The following XRCC4 variants were observed in gnomAD, a reference collection of about 807,000 sequenced individuals.
XRCC4 encodes X-ray repair cross complementing 4.
In XRCC4, 28 loss-of-function variants were observed where a neutral mutation model predicts 39.1. That is an observed-to-expected ratio of 0.72 (90% CI 0.53 to 0.98). The LOEUF (loss-of-function observed/expected upper bound fraction) is 0.98, where lower values mean the gene tolerates loss of function less well. Ranked by LOEUF, XRCC4 falls within the 50% of genes least tolerant of loss-of-function variation. The probability of loss-of-function intolerance (pLI) is 0.00; values close to 1 mark genes in which losing one functional copy is unlikely to be tolerated. For synonymous variants in XRCC4, 123 were observed against 126.4 expected (o/e 0.97, Z 0.18); for missense variants, 350 against 376.4 (o/e 0.93, Z 0.58).
At position 83,248,868 on chromosome 5, in the gene XRCC4, A is replaced by G. The variant is rs533470794; in HGVS notation, c.746-9662A>G. ...AGATTTTTGTTGAAAATTTTGAAAA[A>G]TCATAAGTAACATGAAGTGGTACAA... is the stretch of plus-strand genomic sequence containing the variant. On this transcript the variant is annotated intron_variant, in intron 6 of 7. Coordinates refer to ENST00000396027, the MANE Select transcript of XRCC4 (RefSeq NM_003401.5). Among the ~76,000 whole-genome samples, 139 of 152,270 alleles carry G rather than the reference A, an allele frequency of 9.1e-4. 1 individual carries two copies. The highest frequency in any genetic ancestry group is 6.8e-3 in the Middle Eastern group (2 of 294).
intron 3 of XRCC4, among the ~76,000 whole-genome samples, chr5:83,124,312 G>A (rs145555568): frequency 0.015 from 2,280 of 152,060 alleles, 74 homozygotes; most frequent in African/African-American, 0.052. Flanking sequence ...GGTAGCCACC[G>A]ATCTGTTTGT....
chr5:83,290,023 A>G (rs921692415), intron 7 of XRCC4, among the ~76,000 whole-genome samples: 1 of 151,878 alleles, frequency 6.6e-6, no homozygotes, highest in Non-Finnish European at 1.5e-5. Flanking sequence ...AGTCTCCAGC[A>G]GTTCATTAAA....
At chr5:83,137,112 A>T (rs1028038374) in intron 3 of XRCC4, among the ~76,000 whole-genome samples, 3 of 152,216 alleles carry the variant, frequency 2.0e-5, no homozygotes, top group African/African-American at 7.2e-5. Flanking sequence ...AAAGTTATAA[A>T]CAAGTAACCA....
Position 83,278,931 on chromosome 5 carries a change from T to C in XRCC4, c.893+20254T>C, listed in dbSNP as rs981625507. Among the ~76,000 whole-genome samples the C allele has an allele frequency of 4.8e-5, 7 of 145,378 alleles. No individual in the cohort carries two copies. The South Asian group carries it at 1.5e-3, about 31-fold the overall frequency. ...TGAACCGAGGAGGCGGAGGTTGCAG[T>C]GAGCCGAGATCGTGCCACTCCACTC... is the stretch of plus-strand genomic sequence containing the variant. On this transcript the variant is annotated intron_variant, in intron 7 of 7. Transcript: ENST00000396027.
intron 6 of XRCC4, among the ~76,000 whole-genome samples, chr5:83,256,866 G>T (rs1444573256): frequency 6.6e-6 from 1 of 152,068 alleles, no homozygotes; most frequent in East Asian, 1.9e-4. Context: ...ATTTGGGAAA[G>T]TCACTTAACC....
At chr5:83,283,473 C>A (rs1041619366) in intron 7 of XRCC4, among the ~76,000 whole-genome samples, 1 of 152,144 alleles carries the variant, frequency 6.6e-6, no homozygotes, top group African/African-American at 2.4e-5. Context: ...TGCCAGTGAT[C>A]AAATTTCTCT....
chr5:83,235,504 AT>A (rs1752656113), intron 6 of XRCC4, among the ~76,000 whole-genome samples: 2 of 152,148 alleles, frequency 1.3e-5, no homozygotes, highest in Non-Finnish European at 2.9e-5. Context: ...ATTTAATAAA[AT>A]TCATTATATT....
the XRCC4 span, among the ~76,000 whole-genome samples, chr5:83,372,360 A>G: frequency 6.6e-6 from 1 of 152,188 alleles, no homozygotes; most frequent in Non-Finnish European, 1.5e-5. Context: ...CAGTAAACAA[A>G]GTGGAGTGCA....
intron 7 of XRCC4, among the ~76,000 whole-genome samples, chr5:83,318,185 G>C (rs1466588630): frequency 7.0e-6 from 1 of 143,288 alleles, no homozygotes; most frequent in East Asian, 2.1e-4. Flanking sequence ...CAATGAATTA[G>C]GTGTTGATGG....
chr5:83,179,374 G>A (rs1750105093), intron 3 of XRCC4, among the ~76,000 whole-genome samples: 1 of 152,132 alleles, frequency 6.6e-6, no homozygotes, highest in African/African-American at 2.4e-5. Flanking sequence ...AGACATGAAG[G>A]TGATGGAAAA....
At chr5:83,356,660 T>C, downstream of XRCC4, 1 of 439,922 alleles carries the variant, frequency 2.3e-6, no homozygotes, top group Non-Finnish European at 4.5e-6. Context: ...TCTACAGATC[T>C]GGTGTAAACA....
At chr5:83,178,009 T>A (rs1750036666) in intron 3 of XRCC4, among the ~76,000 whole-genome samples, 2 of 151,942 alleles carry the variant, frequency 1.3e-5, no homozygotes, top group South Asian at 4.2e-4. Context: ...GTAATTGAGA[T>A]TGAGATAAGG....
intron 7 of XRCC4, among the ~76,000 whole-genome samples, chr5:83,337,825 G>A (rs1479027898): frequency 6.6e-6 from 1 of 152,140 alleles, no homozygotes; most frequent in African/African-American, 2.4e-5. Flanking sequence ...GAGTGAATAG[G>A]AGATAAGGAC....
chr5:83,096,445 T>A (rs1262300489), intron 1 of XRCC4, among the ~76,000 whole-genome samples: 1 of 152,120 alleles, frequency 6.6e-6, no homozygotes, highest in Non-Finnish European at 1.5e-5. Flanking sequence ...CAGGTGGTTT[T>A]GGTTGCAAAA....
intron 3 of XRCC4, among the ~76,000 whole-genome samples, chr5:83,134,742 C>T (rs1747800051): frequency 6.6e-6 from 1 of 152,172 alleles, no homozygotes; most frequent in African/African-American, 2.4e-5. Flanking sequence ...CGCAATAAAT[C>T]TTGCTGCTGC....
chr5:83,216,931 C>G (rs1031596959), intron 6 of XRCC4, among the ~76,000 whole-genome samples: 1 of 151,856 alleles, frequency 6.6e-6, no homozygotes, highest in African/African-American at 2.4e-5. Context: ...TTGAATTGTA[C>G]ACTTATACTG....
At chr5:83,244,578 C>T (rs1287395109) in intron 6 of XRCC4, among the ~76,000 whole-genome samples, 2 of 152,192 alleles carry the variant, frequency 1.3e-5, no homozygotes, top group African/African-American at 2.4e-5. Flanking sequence ...ATGATAACTC[C>T]TTTGGGGCTC....
At chr5:83,366,908 C>T in the XRCC4 span, among the ~76,000 whole-genome samples, 1 of 152,120 alleles carries the variant, frequency 6.6e-6, no homozygotes, top group Non-Finnish European at 1.5e-5. Context: ...AAGTATTTTC[C>T]TTGCCCCGAT....
intron 3 of XRCC4, among the ~76,000 whole-genome samples, chr5:83,132,695 C>T (rs776012505): frequency 3.3e-5 from 5 of 152,010 alleles, no homozygotes; most frequent in Non-Finnish European, 7.4e-5. Flanking sequence ...CCTGTGCATG[C>T]GGCATGTAGT....
Sources: gnomAD v4.1 joint callset for allele counts (sites outside exome capture counted in the v4.1 genomes callset) on GRCh38, gnomAD v4.1.1 for gene constraint, MANE v1.5 for transcripts, NCBI Gene and HGNC (gene_info 2026-07-23, HGNC 2026-07-21) for gene names.